The following ZNF148 variants were observed in gnomAD, a reference collection of about 807,000 sequenced individuals.
ZNF148 encodes the protein Beta-Enolase Repressor Factor-1.
In ZNF148, 7 loss-of-function variants were observed where a neutral mutation model predicts 67.7. The observed-to-expected ratio is 0.10, with a 90% CI of 0.06 to 0.19. ZNF148 has a LOEUF of 0.19. Among genes scored for constraint, ZNF148 ranks in the 10% least tolerant of loss-of-function variants. The pLI is 1.00. For missense variants in ZNF148, 583 were observed against 947.1 expected, an observed-to-expected ratio of 0.62 and a Z score of 5.05; for synonymous variants, 333 against 330.7, an observed-to-expected ratio of 1.01 and a Z score of -0.08.
intron 1 of ZNF148, among the ~76,000 whole-genome samples, chr3:125,358,873 C>T (rs1305043176): frequency 6.6e-6 from 1 of 152,160 alleles, no homozygotes; most frequent in Non-Finnish European, 1.5e-5. Flanking sequence ...TTCTCCATGC[C>T]ACCCTAGATG....
intron 1 of ZNF148, among the ~76,000 whole-genome samples, chr3:125,345,305 G>A (rs1941898752): frequency 6.6e-6 from 1 of 152,012 alleles, no homozygotes; most frequent in Non-Finnish European, 1.5e-5. Flanking sequence ...GATGAAAACA[G>A]AAGTCTCAAA....
At chr3:125,244,323 T>C (rs1408613371) in intron 7 of ZNF148, among the ~76,000 whole-genome samples, 3 of 152,208 alleles carry the variant, frequency 2.0e-5, no homozygotes, top group East Asian at 1.9e-4. Flanking sequence ...ATAAGATTTA[T>C]GTATAATCTA....
At chr3:125,242,467 A>C (rs544684733) in intron 7 of ZNF148, among the ~76,000 whole-genome samples, 9 of 152,266 alleles carry the variant, frequency 5.9e-5, no homozygotes, top group African/African-American at 1.9e-4. Context: ...TACTAAAAAT[A>C]CAAAACTTAG....
At chr3:125,239,583 G>T (rs1275850798) in intron 7 of ZNF148, among the ~76,000 whole-genome samples, 1 of 152,104 alleles carries the variant, frequency 6.6e-6, no homozygotes, top group African/African-American at 2.4e-5. Context: ...CTGTAAAATG[G>T]TATTAAGTGC....
In ZNF148 at chr3:125,231,928, T is replaced by C. The variant is rs1024024480; in HGVS notation, c.*413A>G. 6.2e-6 allele frequency: 1 copy of C among 162,298 alleles called. No individual in the cohort carries two copies. Among genetic ancestry groups the C allele is most frequent in the African/African-American group, 2.4e-5 (1 of 41,608 alleles). 10.1% of individuals were successfully genotyped at this position (162,298 alleles called of 1,614,324 possible). The stretch of plus-strand genomic sequence containing the variant: ...TTAAGTTCACTCTGTCTGTAAAGTA[T>C]ACTCAGATTCCCTGCTGAAGTGCAA... On this transcript the variant is annotated 3_prime_UTR_variant, in exon 9 of 9. Transcript: ENST00000360647.
At chr3:125,320,017 C>G (rs890854472) in intron 3 of ZNF148, among the ~76,000 whole-genome samples, 1 of 152,198 alleles carries the variant, frequency 6.6e-6, no homozygotes, top group Non-Finnish European at 1.5e-5. Flanking sequence ...GGAGAACTTT[C>G]CGACACAGAA....
chr3:125,337,680 A>G (rs970874602), intron 1 of ZNF148, among the ~76,000 whole-genome samples: 1 of 152,198 alleles, frequency 6.6e-6, no homozygotes, highest in African/African-American at 2.4e-5. Flanking sequence ...ATTTCATTCC[A>G]CACCCCCTAA....
rs184050660 is a variant in ZNF148, at chr3:125,271,363, C to G, written c.667+6363G>C. Among the ~76,000 whole-genome samples the G allele has an allele frequency of 6.8e-4, 103 of 152,346 alleles. 3 individuals are homozygous for G. In the Middle Eastern group the frequency reaches 0.02, roughly 30 times the overall value. On this transcript the variant is annotated intron_variant, in intron 7 of 8. Transcript: ENST00000360647. ...ATTGTGAAATCCGGTCTTACCCCTA[C>G]ACCCACAGACTTCGTTTCAGCGAAG...
intron 1 of ZNF148, among the ~76,000 whole-genome samples, chr3:125,350,829 T>TAC (rs1163760854): frequency 6.6e-6 from 1 of 151,812 alleles, no homozygotes; most frequent in Admixed American, 6.6e-5. Flanking sequence ...CATATATATA[T>TAC]ACACACACAC....
chr3:125,357,462 C>A (rs938423566), intron 1 of ZNF148, among the ~76,000 whole-genome samples: 1 of 152,194 alleles, frequency 6.6e-6, no homozygotes, highest in East Asian at 1.9e-4. Context: ...AGCCCGTCCT[C>A]CCCCCCTTCC....
intron 4 of ZNF148, among the ~76,000 whole-genome samples, chr3:125,303,435 T>A (rs1939706552): frequency 6.6e-6 from 1 of 152,200 alleles, no homozygotes; most frequent in South Asian, 2.1e-4. Context: ...GCTTCATCTG[T>A]ATTTACACAC....
At chr3:125,238,372 A>G (rs558947990) in intron 7 of ZNF148, among the ~76,000 whole-genome samples, 3 of 152,318 alleles carry the variant, frequency 2.0e-5, no homozygotes, top group South Asian at 4.1e-4. Flanking sequence ...TCACACCTGT[A>G]ATCTCAACAC....
At chr3:125,270,667 C>T (rs147987527) in intron 7 of ZNF148, among the ~76,000 whole-genome samples, 2 of 152,072 alleles carry the variant, frequency 1.3e-5, no homozygotes, top group East Asian at 3.9e-4. Context: ...TTTAAAAAGG[C>T]AAACCAAACC....
chr3:125,355,631 A>G (rs1244073409), intron 1 of ZNF148, among the ~76,000 whole-genome samples: 1 of 152,124 alleles, frequency 6.6e-6, no homozygotes, highest in East Asian at 1.9e-4. Flanking sequence ...TCACATGTGT[A>G]ATCCTAGCAC....
At chr3:125,256,400 G>T (rs1248981319) in intron 7 of ZNF148, among the ~76,000 whole-genome samples, 1 of 150,696 alleles carries the variant, frequency 6.6e-6, no homozygotes, top group Non-Finnish European at 1.5e-5. Context: ...GCCCTGGCTA[G>T]GTGTGGTGGC....
chr3:125,323,871 A>G (rs897198181), intron 2 of ZNF148, among the ~76,000 whole-genome samples: 4 of 151,976 alleles, frequency 2.6e-5, no homozygotes, highest in Non-Finnish European at 4.4e-5. Flanking sequence ...AGGCAGGAGA[A>G]TGGCGTGAAC....
intron 7 of ZNF148, among the ~76,000 whole-genome samples, chr3:125,239,321 C>A (rs1936239340): frequency 1.3e-5 from 2 of 152,168 alleles, no homozygotes; most frequent in African/African-American, 4.8e-5. Flanking sequence ...AGAACTCTTA[C>A]AACTCAATGG....
intron 1 of ZNF148, among the ~76,000 whole-genome samples, chr3:125,352,714 T>C (rs1246024759): frequency 1.3e-5 from 2 of 151,768 alleles, no homozygotes; most frequent in Non-Finnish European, 2.9e-5. Context: ...GTTTATTCAA[T>C]TCCTATCAAA....
At chr3:125,290,528 C>G (rs1236985551) in intron 4 of ZNF148, among the ~76,000 whole-genome samples, 1 of 152,044 alleles carries the variant, frequency 6.6e-6, no homozygotes, top group African/African-American at 2.4e-5. Flanking sequence ...TACATGTATA[C>G]TGTTTTGATA....
Sources: gnomAD v4.1 joint callset for allele counts (sites outside exome capture counted in the v4.1 genomes callset) on GRCh38, gnomAD v4.1.1 for gene constraint, MANE v1.5 for transcripts, NCBI Gene and HGNC (gene_info 2026-07-23, HGNC 2026-07-21) for gene names.